The following MVB12B variants were observed in gnomAD, a reference collection of about 807,000 sequenced individuals.
The protein encoded by MVB12B is multivesicular body subunit 12B.
MVB12B carries 16 observed loss-of-function variants against 41.6 expected under a neutral mutation model. The observed-to-expected ratio is 0.38, with a 90% CI of 0.26 to 0.58. The LOEUF (loss-of-function observed/expected upper bound fraction) is 0.58, where lower values mean the gene tolerates loss of function less well. Among genes scored for constraint, MVB12B ranks in the 20% least tolerant of loss-of-function variants. The pLI is 0.62. For missense variants in MVB12B, 274 were observed against 380.2 expected, an observed-to-expected ratio of 0.72 and a Z score of 2.32; for synonymous variants, 133 against 139.7, an observed-to-expected ratio of 0.95 and a Z score of 0.34.
At chr9:126,496,371 A>C in intron 9 of MVB12B, among the ~76,000 whole-genome samples, 1 of 118,164 alleles carries the variant, frequency 8.5e-6, no homozygotes, top group Non-Finnish European at 1.7e-5. Context: ...CTGCCCATCC[A>C]CTCAGCCACT....
At chr9:126,450,358 G>A (rs1832867219) in intron 7 of MVB12B, among the ~76,000 whole-genome samples, 1 of 152,222 alleles carries the variant, frequency 6.6e-6, no homozygotes. Context: ...GAGCAGCCTG[G>A]GAAGCTAGCC....
intron 9 of MVB12B, among the ~76,000 whole-genome samples, chr9:126,494,873 C>CG (rs1329747722): frequency 6.6e-6 from 1 of 150,650 alleles, no homozygotes; most frequent in Admixed American, 6.6e-5. Flanking sequence ...ACCCCACCCC[C>CG]CCCCAGGGTT....
At chr9:126,450,181 C>T (rs112701782) in intron 7 of MVB12B, among the ~76,000 whole-genome samples, 25 of 152,334 alleles carry the variant, frequency 1.6e-4, no homozygotes, top group African/African-American at 5.8e-4. Flanking sequence ...TCCTGCTGCT[C>T]CCTGCACTGT....
chr9:126,489,518 T>C (rs957654241), intron 9 of MVB12B, among the ~76,000 whole-genome samples: 2 of 152,248 alleles, frequency 1.3e-5, no homozygotes, highest in African/African-American at 4.8e-5. Context: ...AATCAGTGGA[T>C]GCGCCATTGA....
chr9:126,499,213 G>A (rs987085485), intron 9 of MVB12B, among the ~76,000 whole-genome samples: 1 of 152,140 alleles, frequency 6.6e-6, no homozygotes, highest in African/African-American at 2.4e-5. Flanking sequence ...ACCGTGGCCT[G>A]AGACGCCTGC....
chr9:126,446,938 CTTTTTTT>C (rs33991689), intron 7 of MVB12B, among the ~76,000 whole-genome samples: 1 of 104,324 alleles, frequency 9.6e-6, no homozygotes, highest in African/African-American at 3.9e-5. Context: ...TTTTAACTTT[CTTTTTTT>C]TTTTTTTTTT....
chr9:126,371,173 T>C (rs1056962876), intron 2 of MVB12B, among the ~76,000 whole-genome samples: 1 of 152,144 alleles, frequency 6.6e-6, no homozygotes, highest in Non-Finnish European at 1.5e-5. Flanking sequence ...TTCCCCTGGG[T>C]GCCGACCAGC....
At chr9:126,481,716 G>A (rs1833525793) in intron 8 of MVB12B, among the ~76,000 whole-genome samples, 1 of 152,236 alleles carries the variant, frequency 6.6e-6, no homozygotes. Flanking sequence ...GGATGGGAAA[G>A]TAGCAAGAGG....
At chr9:126,398,047 G>C (rs10760429) in intron 6 of MVB12B, among the ~76,000 whole-genome samples, 152,171 of 152,172 alleles carry the variant, frequency 1, 76,085 homozygotes, top group Non-Finnish European at 1. Flanking sequence ...AGACATTAAC[G>C]TGCGCTGGCA....
At chr9:126,339,476 CTT>C (rs911725156) in intron 1 of MVB12B, among the ~76,000 whole-genome samples, 9 of 152,296 alleles carry the variant, frequency 5.9e-5, no homozygotes, top group Admixed American at 5.9e-4. Flanking sequence ...CTTTTATTTG[CTT>C]TCTGGTGCAC....
Position 126,473,736 on chromosome 9 carries a change from G to A in MVB12B, c.758-7633G>A, listed in dbSNP as rs1292141926. On this transcript the variant is annotated intron_variant, in intron 7 of 9. Transcript: ENST00000361171. The surrounding 1 kb of genome is among the most constrained non-coding windows in gnomAD (Gnocchi z 4.0). ...CCACAAGAAATCCTCTCCCCACATA[G>A]CTCAGTCATCTCCCGCCGGGCCCCC... Among the ~76,000 whole-genome samples, 1 of 152,204 alleles carries A rather than the reference G, an allele frequency of 6.6e-6. No individual in the cohort carries two copies. The highest frequency in any genetic ancestry group is 2.4e-5 in the African/African-American group (1 of 41,450).
chr9:126,448,396 T>A (rs1033739511), intron 7 of MVB12B: 1 of 152,278 alleles, frequency 6.6e-6, no homozygotes, highest in African/African-American at 2.4e-5. Flanking sequence ...ATTAAAGAGC[T>A]GATTGTTCTA....
chr9:126,448,435 A>C (rs182382448), intron 7 of MVB12B: 1 of 152,402 alleles, frequency 6.6e-6, no homozygotes, highest in East Asian at 1.9e-4. Flanking sequence ...ATGGTTCACC[A>C]TGAAAGACCA....
At chr9:126,443,218 C>T (rs530916227) in intron 7 of MVB12B, among the ~76,000 whole-genome samples, 6 of 152,158 alleles carry the variant, frequency 3.9e-5, no homozygotes, top group Non-Finnish European at 7.4e-5. Flanking sequence ...AACATGGGAC[C>T]GTGATTCCTT....
chr9:126,452,230 C>A (rs1470067467), intron 7 of MVB12B, among the ~76,000 whole-genome samples: 1 of 152,238 alleles, frequency 6.6e-6, no homozygotes, highest in Non-Finnish European at 1.5e-5. Context: ...AAACAATAGA[C>A]CCAGCCTAAT....
chr9:126,375,467 G>A (rs908216630), intron 2 of MVB12B, among the ~76,000 whole-genome samples: 29 of 136,502 alleles, frequency 2.1e-4, no homozygotes, highest in African/African-American at 1.5e-4. Flanking sequence ...TCTTTCGAAC[G>A]AGAAAGTACA....
intron 2 of MVB12B, among the ~76,000 whole-genome samples, chr9:126,363,186 CA>C (rs367592210): frequency 1.1e-4 from 15 of 138,772 alleles, no homozygotes; most frequent in Non-Finnish European, 9.4e-5. Context: ...GACTCCGTCT[CA>C]AAAAAAAAAA....
chr9:126,453,805 C>T (rs1383553141), intron 7 of MVB12B, among the ~76,000 whole-genome samples: 1 of 152,210 alleles, frequency 6.6e-6, no homozygotes, highest in Non-Finnish European at 1.5e-5. Flanking sequence ...GACACGTGTG[C>T]ATGCTCACAT....
intron 7 of MVB12B, among the ~76,000 whole-genome samples, chr9:126,440,061 A>C (rs778165791): frequency 4.6e-5 from 7 of 152,262 alleles, no homozygotes; most frequent in Admixed American, 1.3e-4. Flanking sequence ...CAGCCTGAAC[A>C]CAACAACTTG....
Sources: gnomAD v4.1 joint callset for allele counts (sites outside exome capture counted in the v4.1 genomes callset) on GRCh38, gnomAD v4.1.1 for gene constraint, Gnocchi (gnomAD v3.1) non-coding constraint, MANE v1.5 for transcripts, NCBI Gene and HGNC (gene_info 2026-07-23, HGNC 2026-07-21) for gene names.